ACSBG1: variants seen among roughly 807,000 people sequenced by gnomAD.
The protein encoded by ACSBG1 is acyl-CoA synthetase bubblegum family member 1, also known as long-chain-fatty-acid--CoA ligase ACSBG1.
ACSBG1 carries 39 observed loss-of-function variants against 80.2 expected under a neutral mutation model. The ratio of observed to expected loss-of-function variants is 0.49; its 90% CI spans 0.38 to 0.64. ACSBG1 has a LOEUF of 0.64. Ranked by LOEUF, ACSBG1 falls within the 30% of genes least tolerant of loss-of-function variation. ACSBG1 has a pLI of 0.00. For synonymous variants in ACSBG1, 392 were observed against 379.5 expected (o/e 1.03, Z -0.38); for missense variants, 828 against 966.4 (o/e 0.86, Z 1.90).
At chr15:78,217,213 T>C (rs1323692914) in intron 1 of ACSBG1, among the ~76,000 whole-genome samples, 1 of 152,166 alleles carries the variant, frequency 6.6e-6, no homozygotes, top group Admixed American at 6.5e-5. Flanking sequence ...AACTAACACA[T>C]AACCAGCACT....
Position 78,182,707 on chromosome 15 carries a change from T to A in ACSBG1, c.742A>T (p.Thr248Ser), listed in dbSNP as rs774388993. 2 of 1,614,256 alleles carry A rather than the reference T, an allele frequency of 1.2e-6. No individual in the cohort carries two copies. Among genetic ancestry groups the A allele is most frequent in the South Asian group, 2.2e-5 (2 of 91,092 alleles). ...PPPNKMANVY[T>S]MEEFMELGNE... Reference sequence around the variant, plus strand: ...GCCCAGGGCCCCACTGCCCATACCGTGTACACATTGGCCATCTTGTTTGGA... The same window carrying A: ...GCCCAGGGCCCCACTGCCCATACCGAGTACACATTGGCCATCTTGTTTGGA... The change falls in exon 6 of 14, where the codon ACG (threonine) becomes TCG (serine). Residue 248 changes from threonine to serine, a missense_variant and splice_region_variant. Physicochemically the swap from Thr to Ser is moderately conservative, Grantham distance 58 (BLOSUM62 1). This residue lies in a region of ACSBG1 where 356 missense variants were observed against 363.5 expected (regional missense o/e 0.98). Transcript: ENST00000258873.
chr15:78,215,266 G>A (rs2075298131), intron 1 of ACSBG1, among the ~76,000 whole-genome samples: 2 of 152,178 alleles, frequency 1.3e-5, no homozygotes, highest in African/African-American at 4.8e-5. Context: ...AATTGTCACT[G>A]ATACTTGACG....
intron 1 of ACSBG1, among the ~76,000 whole-genome samples, chr15:78,230,755 C>T (rs1422453555): frequency 2.6e-5 from 4 of 152,196 alleles, no homozygotes; most frequent in African/African-American, 7.2e-5. Flanking sequence ...GTGAGATGTG[C>T]CTTTCGTCTT....
chr15:78,172,736 G>A lies in ACSBG1; in HGVS notation c.2089+857C>T, dbSNP rs140643057. Among the ~76,000 whole-genome samples, 1 of 152,278 alleles carries A rather than the reference G, an allele frequency of 6.6e-6. No homozygotes were observed. The highest frequency in any genetic ancestry group is 1.5e-5 in the Non-Finnish European group (1 of 68,020). ...GTGATGGATTTGAGGGAATCACACT[G>A]GCATAACCATTTCTACCTCTCCTGT... On this transcript the variant is annotated intron_variant, in intron 13 of 13. Transcript: ENST00000258873. The surrounding 1 kb of genome is among the most constrained non-coding windows in gnomAD (Gnocchi z 4.1).
chr15:78,173,618 G>A lies in ACSBG1; in HGVS notation c.2064C>T (p.Asp688=). Residue 688 remains aspartate, a synonymous_variant, in exon 13 of 14, where the codon GAC becomes GAT. Transcript: ENST00000258873. ...HIQKWAILER[D]FSISGGELGP... Reference sequence around the variant, plus strand: ...CCAACTCTCCACCCGAAATGGAGAAGTCTCTCTCGAGAATGGCCCACTTCT... The same window carrying A: ...CCAACTCTCCACCCGAAATGGAGAAATCTCTCTCGAGAATGGCCCACTTCT... 6.2e-7 allele frequency: 1 copy of A among 1,614,202 alleles called. No homozygotes were observed. The highest frequency in any genetic ancestry group is 2.2e-5 in the East Asian group (1 of 44,878).
chr15:78,190,675 G>A (rs969108336), intron 5 of ACSBG1, among the ~76,000 whole-genome samples: 2 of 152,128 alleles, frequency 1.3e-5, no homozygotes, highest in African/African-American at 4.8e-5. Context: ...AATGGATGAC[G>A]ACAGCTGAAA....
At position 78,182,494 on chromosome 15, in the gene ACSBG1, G is replaced by A. The variant is rs760258581; in HGVS notation, c.866C>T (p.Pro289Leu). The part of the protein sequence containing the change: ...LVYTSGTTGN[P>L]KGVMLSQDNI... ...GTCTTGACTCAGCATCACGCCCTTG[G>A]GGTTCCCAGTGGTGCCGGAAGTGTA... Residue 289 changes from proline (P) to leucine (L), a missense_variant, in exon 7 of 14, where the codon CCC becomes CTC. By Grantham distance (98) the Pro-to-Leu change is moderately conservative. Coordinates refer to ENST00000258873, the MANE Select transcript of ACSBG1 (RefSeq NM_015162.5). 1.9e-6 allele frequency: 3 copies of A among 1,614,178 alleles called. No homozygotes were observed. Among genetic ancestry groups the A allele is most frequent in the Non-Finnish European group, 2.5e-6 (3 of 1,180,028 alleles).
chr15:78,199,821 A>T (rs1407413037), intron 2 of ACSBG1, among the ~76,000 whole-genome samples: 1 of 152,100 alleles, frequency 6.6e-6, no homozygotes, highest in Non-Finnish European at 1.5e-5. Context: ...AATCATATGA[A>T]TCAAATCAAA....
Position 78,183,015 on chromosome 15 carries a change from G to A in ACSBG1, c.664-230C>T, listed in dbSNP as rs2074964935. ...GGACTGGGGATGACTCCCCATTGAA[G>A]GAAAACCACCAAACAAGCTGGGGCT... On this transcript the variant is annotated intron_variant, in intron 5 of 13. Transcript: ENST00000258873. 4 of 575,750 alleles carry A rather than the reference G, an allele frequency of 6.9e-6. No homozygotes were observed. In the Admixed American group the frequency reaches 1.2e-4, roughly 17 times the overall value. 35.7% of individuals were successfully genotyped at this position (575,750 alleles called of 1,614,324 possible). A position where few individuals can be genotyped will look rare whatever the true frequency, so the allele number is the denominator to read the frequency against.
At chr15:78,173,970 G>A (rs1015059546) in intron 12 of ACSBG1, 131 bp from the exon 13 acceptor site, 19 of 1,128,744 alleles carry the variant, frequency 1.7e-5, no homozygotes, top group Non-Finnish European at 2.2e-5. Context: ...GACGGTTCTA[G>A]AATGAGTAGC....
chr15:78,202,357 C>T (rs538925661), intron 2 of ACSBG1, among the ~76,000 whole-genome samples: 58 of 152,132 alleles, frequency 3.8e-4, no homozygotes, highest in Admixed American at 2.6e-3. Context: ...ACTACAGGTG[C>T]GTGACACCAC....
intron 1 of ACSBG1, among the ~76,000 whole-genome samples, chr15:78,221,142 T>C (rs1228496654): frequency 1.3e-5 from 2 of 152,100 alleles, no homozygotes; most frequent in Middle Eastern, 3.4e-3. Flanking sequence ...GAGACAAAGA[T>C]ATAGAGAAAG....
At chr15:78,210,767 C>T (rs897302093) in intron 1 of ACSBG1, among the ~76,000 whole-genome samples, 2 of 152,192 alleles carry the variant, frequency 1.3e-5, no homozygotes, top group African/African-American at 2.4e-5. Context: ...GACAGCACCA[C>T]AAAACCTGGC....
intron 1 of ACSBG1, chr15:78,212,789 C>T (rs752550509): frequency 9.7e-5 from 32 of 331,460 alleles, no homozygotes; most frequent in Non-Finnish European, 1.7e-4. Flanking sequence ...GACAGCTGCC[C>T]TCTTTCCTGG....
In ACSBG1 at chr15:78,193,584, G is replaced by A. The variant is rs1375979230; in HGVS notation, c.585C>T (p.Ala195=). 6.2e-7 allele frequency: 1 copy of A among 1,613,928 alleles called. No homozygotes were observed. Among genetic ancestry groups the A allele is most frequent in the Non-Finnish European group, 8.5e-7 (1 of 1,179,852 alleles). ...TGIYTTSSPE[A]CQYIAYDCCA... is the part of the protein sequence containing the mutation. ...AGCAGTCATAAGCGATGTACTGGCAGGCCTCTGGGGAGCTGGTGGTGTAGA... is the reference window on the plus strand; with the variant it reads ...AGCAGTCATAAGCGATGTACTGGCAAGCCTCTGGGGAGCTGGTGGTGTAGA... Residue 195 remains alanine, a synonymous_variant, in exon 5 of 14, where the codon GCC becomes GCT. Transcript: ENST00000258873.
chr15:78,193,682 T>TGCCCCCCCC, intron 4 of ACSBG1, 56 bp from the exon 5 acceptor site: 3 of 1,560,266 alleles, frequency 1.9e-6, no homozygotes, highest in Admixed American at 1.8e-5. Flanking sequence ...GCCACCCCCT[T>TGCCCCCCCC]CCCCCACCCC....
At chr15:78,174,338 A>AC in intron 12 of ACSBG1, 47 bp downstream of exon 12, 1 of 1,613,356 alleles carries the variant, frequency 6.2e-7, no homozygotes, top group Non-Finnish European at 8.5e-7. Flanking sequence ...AGACCCACAG[A>AC]CCCCCTCACT....
intron 1 of ACSBG1, among the ~76,000 whole-genome samples, chr15:78,225,446 A>T (rs1445633461): frequency 3.3e-5 from 5 of 150,740 alleles, no homozygotes; most frequent in African/African-American, 1.2e-4. Flanking sequence ...AATAAATTAA[A>T]AAATAAAATA....
At chr15:78,180,690 CTG>C in intron 9 of ACSBG1, 63 bp downstream of exon 9, 1 of 1,560,836 alleles carries the variant, frequency 6.4e-7, no homozygotes, top group Non-Finnish European at 8.7e-7. Context: ...CAGACCCTCA[CTG>C]TGTTTTGGGT....
Sources: allele counts gnomAD v4.1 joint callset (sites outside exome capture counted in the v4.1 genomes callset), GRCh38; gene constraint gnomAD v4.1.1; regional missense constraint gnomAD v4.1.1; non-coding constraint Gnocchi (gnomAD v3.1); transcripts MANE v1.5; gene names NCBI Gene and HGNC (gene_info 2026-07-23, HGNC 2026-07-21).